BRAP: variants seen among roughly 807,000 people sequenced by gnomAD.
The protein encoded by BRAP is BRCA1 associated protein.
In BRAP, 42 loss-of-function variants were observed where a neutral mutation model predicts 73.4. The observed-to-expected ratio is 0.57, with a 90% CI of 0.45 to 0.74. The LOEUF (loss-of-function observed/expected upper bound fraction) is 0.74. BRAP is among the 30% of genes least tolerant of loss of function. BRAP has a pLI of 0.00. For missense variants in BRAP, 593 were observed against 751.4 expected (o/e 0.79, Z 2.46); for synonymous variants, 255 against 267.4 (o/e 0.95, Z 0.45).
At chr12:111,666,454 A>T (rs1456908834) in intron 5 of BRAP, among the ~76,000 whole-genome samples, 1 of 152,204 alleles carries the variant, frequency 6.6e-6, no homozygotes, top group Non-Finnish European at 1.5e-5. Flanking sequence ...CTCATTGTAC[A>T]GATAGAGATT....
At chr12:111,653,716 T>C (rs1385604313) in intron 10 of BRAP, among the ~76,000 whole-genome samples, 3 of 152,152 alleles carry the variant, frequency 2.0e-5, no homozygotes, top group Non-Finnish European at 4.4e-5. Context: ...GGGTTACTGT[T>C]TCTCCCTGAA....
At chr12:111,662,560 G>T (rs76764552) in intron 6 of BRAP, among the ~76,000 whole-genome samples, 1 of 151,402 alleles carries the variant, frequency 6.6e-6, no homozygotes, top group African/African-American at 2.4e-5. Flanking sequence ...AAAAAAAAAA[G>T]CTATAACTAG....
At chr12:111,676,921 C>T (rs1887405284) in intron 4 of BRAP, among the ~76,000 whole-genome samples, 1 of 152,116 alleles carries the variant, frequency 6.6e-6, no homozygotes, top group African/African-American at 2.4e-5. Flanking sequence ...GGATTAGCCC[C>T]TAAGACCCAG....
chr12:111,683,231 T>C lies in BRAP; in HGVS notation c.159A>G (p.Pro53=). The C allele has an allele frequency of 1.9e-6, 3 of 1,614,200 alleles. No individual in the cohort carries two copies. The highest frequency in any genetic ancestry group is 2.5e-6 in the Non-Finnish European group (3 of 1,180,036). The change falls in exon 2 of 12, where the codon CCA becomes CCG. Residue 53 remains proline, a synonymous_variant. Transcript: ENST00000419234. ...SAVACLEGKS[P]GEKVAIIHQH... is the part of the protein sequence containing the mutation. ...GATGGATAATCGCTACTTTCTCTCC[T>C]GGTGACTTGCCTTCTAAACAGGCTA... is the stretch of plus-strand genomic sequence containing the variant.
intron 10 of BRAP, among the ~76,000 whole-genome samples, chr12:111,651,927 C>T (rs1354650419): frequency 6.6e-6 from 1 of 152,004 alleles, no homozygotes; most frequent in Non-Finnish European, 1.5e-5. Flanking sequence ...TAAGCCACCA[C>T]GCCTGGCTGG....
chr12:111,650,082 T>C, intron 10 of BRAP, 40 bp from the exon 11 acceptor site: 1 of 1,411,638 alleles, frequency 7.1e-7, no homozygotes, highest in Non-Finnish European at 1.0e-6. Flanking sequence ...TTCACAAAGG[T>C]AATGTGGTGT....
intron 4 of BRAP, among the ~76,000 whole-genome samples, chr12:111,677,977 G>A (rs1592996356): frequency 6.6e-6 from 1 of 152,182 alleles, no homozygotes; most frequent in Non-Finnish European, 1.5e-5. Flanking sequence ...ATGAGGCCGG[G>A]TGCAGTCGCT....
At chr12:111,648,351 C>T (rs1454191829) in intron 11 of BRAP, among the ~76,000 whole-genome samples, 2 of 128,910 alleles carry the variant, frequency 1.6e-5, no homozygotes, top group Non-Finnish European at 3.3e-5. Context: ...CGGTGGCTCA[C>T]GCCTGTAATC....
intron 9 of BRAP, among the ~76,000 whole-genome samples, chr12:111,656,346 C>T (rs916280264): frequency 2.0e-5 from 3 of 152,116 alleles, no homozygotes; most frequent in South Asian, 2.1e-4. Flanking sequence ...GACAGAGATC[C>T]GAGTCCAGAG....
Position 111,658,725 on chromosome 12 carries a change from A to G in BRAP, c.1221+11T>C. 6.6e-7 allele frequency: 1 copy of G among 1,522,050 alleles called. No individual in the cohort carries two copies. The highest frequency in any genetic ancestry group is 1.1e-5 in the South Asian group (1 of 88,382). The allele number at this position is 1,522,050 out of a possible 1,614,324, so 94.3% of individuals were successfully genotyped here. ...GAAACAGATAGAGTGATAACTCATT[A>G]AATCTCTTACCTCTAACTGTAAGGC... On this transcript the variant is annotated intron_variant, in intron 9 of 11. Coordinates refer to ENST00000419234, the MANE Select transcript of BRAP (RefSeq NM_006768.5).
In BRAP at chr12:111,683,413, AGAT is replaced by A. The variant is rs1053224889; in HGVS notation, c.83-109_83-107del. 5 of 1,315,412 alleles carry A rather than the reference AGAT, an allele frequency of 3.8e-6. No individual in the cohort carries two copies. The African/African-American group carries it at 5.9e-5, about 16-fold the overall frequency. 81.5% of individuals were successfully genotyped at this position (1,315,412 alleles called of 1,614,324 possible). A position where few individuals can be genotyped will look rare whatever the true frequency, so the allele number is the denominator to read the frequency against. On this transcript the variant is annotated intron_variant, in intron 1 of 11. Coordinates refer to ENST00000419234, the MANE Select transcript of BRAP (RefSeq NM_006768.5). ...CTTTTCTTTCTCCTGCCTTCCGCCA[AGAT>A]GATAAGAAGCCTTTGTAGTATCCAT...
At chr12:111,649,354 T>C (rs1028503373) in intron 11 of BRAP, among the ~76,000 whole-genome samples, 2 of 152,118 alleles carry the variant, frequency 1.3e-5, no homozygotes, top group Admixed American at 1.3e-4. Context: ...GGTTTTACCA[T>C]GTTGTCCAGG....
chr12:111,663,861 A>T (rs1886841905), intron 6 of BRAP, among the ~76,000 whole-genome samples: 1 of 152,172 alleles, frequency 6.6e-6, no homozygotes, highest in Non-Finnish European at 1.5e-5. Flanking sequence ...GACAGGTTGA[A>T]TTCTAGTCCC....
At chr12:111,672,845 T>G in intron 4 of BRAP, 71 bp from the exon 5 acceptor site, 1 of 1,191,466 alleles carries the variant, frequency 8.4e-7, no homozygotes, top group Non-Finnish European at 1.2e-6. Context: ...ATATTCAATA[T>G]GCATGGCTTT....
At position 111,681,753 on chromosome 12, in the gene BRAP, T is replaced by G. The variant is rs1356325887; in HGVS notation, c.327A>C (p.Glu109Asp). The G allele has an allele frequency of 6.8e-6, 11 of 1,614,038 alleles. No individual in the cohort carries two copies. Among genetic ancestry groups the G allele is most frequent in the Non-Finnish European group, 9.3e-6 (11 of 1,180,018 alleles). Residue 109 changes from glutamate to aspartate, a missense_variant, in exon 3 of 12, where the codon GAA (glutamate) becomes GAC (aspartate). Glu to Asp is a conservative substitution (Grantham distance 45, BLOSUM62 2). Around this residue, in one of 4 missense-constraint regions of BRAP, gnomAD observed 304 missense variants for 337.7 expected, o/e 0.90. Transcript: ENST00000419234. Reference protein sequence around the residue: ...TAQRSKDHSKECINAAPDSPS... With the variant: ...TAQRSKDHSKDCINAAPDSPS... ...GAGAATCTGGGGCAGCGTTTATGCATTCCTTACTGTGATCTTTACTTCTTT... is the reference window on the plus strand; with the variant it reads ...GAGAATCTGGGGCAGCGTTTATGCAGTCCTTACTGTGATCTTTACTTCTTT...
At position 111,643,672 on chromosome 12, in the gene BRAP, T is replaced by A. The variant is rs1487215501; in HGVS notation, c.*527A>T. ...TTTCAGATAACATTCAAGCAATTCTTCCACTCCCCAGAGGAAGGGGGAGAT... is the reference window on the plus strand; with the variant it reads ...TTTCAGATAACATTCAAGCAATTCTACCACTCCCCAGAGGAAGGGGGAGAT... On this transcript the variant is annotated 3_prime_UTR_variant, in exon 12 of 12. Coordinates refer to ENST00000419234, the MANE Select transcript of BRAP (RefSeq NM_006768.5). 6.6e-6 allele frequency: 1 copy of A among 152,428 alleles called. No individual in the cohort carries two copies. The highest frequency in any genetic ancestry group is 1.5e-5 in the Non-Finnish European group (1 of 68,334). 9.4% of individuals were successfully genotyped at this position (152,428 alleles called of 1,614,324 possible). A position where few individuals can be genotyped will look rare whatever the true frequency, so the allele number is the denominator to read the frequency against.
chr12:111,678,029 G>C (rs1207096465), intron 4 of BRAP, among the ~76,000 whole-genome samples: 1 of 152,118 alleles, frequency 6.6e-6, no homozygotes, highest in Non-Finnish European at 1.5e-5. Context: ...GGGGCGGGCA[G>C]ATCACCTGAG....
At chr12:111,680,935 A>T (rs1019959857) in intron 3 of BRAP, among the ~76,000 whole-genome samples, 10 of 152,320 alleles carry the variant, frequency 6.6e-5, no homozygotes, top group Non-Finnish European at 1.2e-4. Context: ...AAAAAGAGGT[A>T]ATAAAATTGT....
chr12:111,646,567 G>C (rs927534703), intron 11 of BRAP, among the ~76,000 whole-genome samples: 1 of 152,168 alleles, frequency 6.6e-6, no homozygotes, highest in African/African-American at 2.4e-5. Context: ...GAGATCAGGA[G>C]TTCAACATCA....
Sources: allele counts gnomAD v4.1 joint callset (sites outside exome capture counted in the v4.1 genomes callset), GRCh38; gene constraint gnomAD v4.1.1; regional missense constraint gnomAD v4.1.1; transcripts MANE v1.5; gene names NCBI Gene and HGNC (gene_info 2026-07-23, HGNC 2026-07-21).